CDH12: variants seen among roughly 807,000 people sequenced by gnomAD.
The protein encoded by CDH12 is cadherin 12.
Under a neutral mutation model 74.1 loss-of-function variants are expected in CDH12, and 41 were observed. The ratio of observed to expected loss-of-function variants is 0.55; its 90% CI spans 0.43 to 0.72. The LOEUF (loss-of-function observed/expected upper bound fraction) is 0.72, where lower values mean the gene tolerates loss of function less well. CDH12 is among the 30% of genes least tolerant of loss of function. The probability of loss-of-function intolerance (pLI) is 0.00; values close to 1 mark genes in which losing one functional copy is unlikely to be tolerated. For synonymous variants in CDH12, 399 were observed against 355.0 expected (o/e 1.12, Z -1.39); for missense variants, 945 against 977.2 (o/e 0.97, Z 0.44).
intron 2 of CDH12, among the ~76,000 whole-genome samples, chr5:22,452,689 A>G (rs1263265380): frequency 6.6e-6 from 1 of 151,874 alleles, no homozygotes; most frequent in Non-Finnish European, 1.5e-5. Flanking sequence ...AGGAACTCAA[A>G]AACACCAGCA....
intron 1 of CDH12, among the ~76,000 whole-genome samples, chr5:22,841,985 T>C (rs1737100258): frequency 6.6e-6 from 1 of 152,028 alleles, no homozygotes; most frequent in South Asian, 2.1e-4. Context: ...TAATAAAATA[T>C]GAAAATATAC....
intron 1 of CDH12, among the ~76,000 whole-genome samples, chr5:22,665,423 G>A (rs141929105): frequency 6.0e-4 from 91 of 152,220 alleles, no homozygotes; most frequent in African/African-American, 2.1e-3. Flanking sequence ...GATGCAGATG[G>A]CATACTAATC....
intron 4 of CDH12, among the ~76,000 whole-genome samples, chr5:22,098,121 C>T (rs183101777): frequency 2.0e-5 from 3 of 152,170 alleles, no homozygotes; most frequent in Non-Finnish European, 2.9e-5. Context: ...TTGCACCCTT[C>T]ATCCCAGCCT....
At chr5:22,500,276 T>C (rs1368761035) in intron 2 of CDH12, among the ~76,000 whole-genome samples, 1 of 152,176 alleles carries the variant, frequency 6.6e-6, no homozygotes, top group Admixed American at 6.6e-5. Flanking sequence ...TAACAGACCA[T>C]TTATTTACTA....
intron 2 of CDH12, among the ~76,000 whole-genome samples, chr5:22,459,090 GTC>G (rs973397381): frequency 6.6e-6 from 1 of 152,022 alleles, no homozygotes. Context: ...TGTTCCAGGT[GTC>G]TCTCTAAGAA....
intron 1 of CDH12, among the ~76,000 whole-genome samples, chr5:22,821,201 C>A (rs1381230487): frequency 1.3e-5 from 2 of 152,120 alleles, no homozygotes; most frequent in Admixed American, 6.6e-5. Flanking sequence ...ATGCTAAAAA[C>A]TCTCAATAAA....
intron 3 of CDH12, among the ~76,000 whole-genome samples, chr5:22,362,759 G>T (rs1041604749): frequency 7.9e-5 from 12 of 151,804 alleles, no homozygotes; most frequent in African/African-American, 2.7e-4. Flanking sequence ...CCATAAAAAA[G>T]GATGAGTTCA....
In CDH12 at chr5:22,078,875, T is replaced by G. The variant is rs532167324; in HGVS notation, c.-186-13A>C. ...CATCTAAAGGGGCCTATGAAATAGA[T>G]GAACAAAGATACATTAAATTAATGA... On this transcript the variant is annotated splice_polypyrimidine_tract_variant and intron_variant, in intron 4 of 14. Coordinates refer to ENST00000382254, the MANE Select transcript of CDH12 (RefSeq NM_004061.5). 3.9e-6 allele frequency: 5 copies of G among 1,288,432 alleles called. No homozygotes were observed. The South Asian group carries it at 1.2e-4, about 30-fold the overall frequency. The allele number at this position is 1,288,432 out of a possible 1,614,324, so 79.8% of individuals were successfully genotyped here.
intron 1 of CDH12, among the ~76,000 whole-genome samples, chr5:22,647,881 C>T (rs1739525817): frequency 2.0e-5 from 3 of 151,760 alleles, no homozygotes. Context: ...TGGAAAGTAT[C>T]AATATTGTCT....
At chr5:22,379,261 A>G (rs1383598152) in intron 3 of CDH12, among the ~76,000 whole-genome samples, 3 of 152,266 alleles carry the variant, frequency 2.0e-5, no homozygotes, top group Admixed American at 2.0e-4. Context: ...TTGTGGTAAA[A>G]TTAAAGTTCA....
rs186970380 is a variant in CDH12 at position 22,634,358 on chromosome 5, C to A, written c.-522-128994G>T. ...TCTACAAAAGATAAAAATTAGGTTG[C>A]AAGACACAAATAGGTTCAAAGTAAC... On this transcript the variant is annotated intron_variant, in intron 1 of 14. Coordinates refer to ENST00000382254, the MANE Select transcript of CDH12 (RefSeq NM_004061.5). Among the ~76,000 whole-genome samples, 551 of 152,070 alleles carry A rather than the reference C, an allele frequency of 3.6e-3. 1 individual carries two copies. The highest frequency in any genetic ancestry group is 0.01 in the African/African-American group (424 of 41,526).
intron 1 of CDH12, among the ~76,000 whole-genome samples, chr5:22,539,456 T>C (rs1370342737): frequency 1.3e-5 from 2 of 152,198 alleles, no homozygotes; most frequent in East Asian, 1.9e-4. Context: ...AATAAATGAA[T>C]GGGTGAATAA....
intron 6 of CDH12, among the ~76,000 whole-genome samples, chr5:21,972,712 T>C (rs1317833718): frequency 6.6e-6 from 1 of 152,136 alleles, no homozygotes; most frequent in African/African-American, 2.4e-5. Context: ...TATGTGTATA[T>C]GTGAGATTAT....
chr5:22,658,220 T>G (rs1740156553), intron 1 of CDH12, among the ~76,000 whole-genome samples: 1 of 152,076 alleles, frequency 6.6e-6, no homozygotes, highest in Admixed American at 6.6e-5. Context: ...ACAATGCAAA[T>G]TTATTGTCTA....
intron 10 of CDH12, among the ~76,000 whole-genome samples, chr5:21,801,870 T>A (rs893744221): frequency 1.3e-5 from 2 of 152,212 alleles, no homozygotes; most frequent in Admixed American, 6.5e-5. Flanking sequence ...AAAGGTTATG[T>A]TATTAAATCC....
intron 1 of CDH12, among the ~76,000 whole-genome samples, chr5:22,734,686 T>G (rs1162191580): frequency 6.6e-6 from 1 of 151,962 alleles, no homozygotes; most frequent in Non-Finnish European, 1.5e-5. Flanking sequence ...AAAAGAATGA[T>G]TCTCTCACTA....
chr5:21,833,547 TTATA>T (rs1749354801), intron 8 of CDH12, among the ~76,000 whole-genome samples: 1 of 133,284 alleles, frequency 7.5e-6, no homozygotes, highest in African/African-American at 2.7e-5. Context: ...ATGTAATATA[TTATA>T]TAATCTATGG....
intron 3 of CDH12, among the ~76,000 whole-genome samples, chr5:22,222,007 A>T (rs928149241): frequency 6.6e-6 from 1 of 151,894 alleles, no homozygotes; most frequent in Admixed American, 6.6e-5. Flanking sequence ...CCAAACTCCA[A>T]TATGTGTTTA....
At chr5:22,488,090 A>G (rs940365771) in intron 2 of CDH12, among the ~76,000 whole-genome samples, 2 of 152,220 alleles carry the variant, frequency 1.3e-5, no homozygotes, top group Non-Finnish European at 2.9e-5. Flanking sequence ...AGTACTTTGT[A>G]ACAAAGAAAC....
Sources: gnomAD v4.1 joint callset for allele counts (sites outside exome capture counted in the v4.1 genomes callset) on GRCh38, gnomAD v4.1.1 for gene constraint, MANE v1.5 for transcripts, NCBI Gene and HGNC (gene_info 2026-07-23, HGNC 2026-07-21) for gene names.